The following KCTD1 variants were observed in gnomAD, a reference collection of about 807,000 sequenced individuals.
KCTD1 encodes BTB/POZ domain-containing protein KCTD1.
KCTD1 carries 24 observed loss-of-function variants against 66.0 expected under a neutral mutation model. The observed-to-expected ratio is 0.36, with a 90% CI of 0.26 to 0.51. The LOEUF is 0.51. Ranked by LOEUF, KCTD1 falls within the 20% of genes least tolerant of loss-of-function variation. The pLI is 0.95. For synonymous variants in KCTD1, 511 were observed against 517.2 expected, an observed-to-expected ratio of 0.99 and a Z score of 0.16; for missense variants, 943 against 1,205.2, an observed-to-expected ratio of 0.78 and a Z score of 3.22.
chr18:26,466,481 T>C (rs1980739545), intron 3 of KCTD1, among the ~76,000 whole-genome samples: 1 of 152,178 alleles, frequency 6.6e-6, no homozygotes, highest in Admixed American at 6.5e-5. Flanking sequence ...TAGAGGGCAT[T>C]TAGCAATGTC....
intron 1 of KCTD1, among the ~76,000 whole-genome samples, chr18:26,613,304 C>A (rs372931993): frequency 6.6e-6 from 1 of 152,136 alleles, no homozygotes; most frequent in Non-Finnish European, 1.5e-5. Flanking sequence ...GACACTCTGA[C>A]GATTTCCTTT....
In KCTD1 at chr18:26,547,050, G is replaced by T. The variant is rs750659997; in HGVS notation, c.1487C>A (p.Pro496His). The change falls in exon 1 of 5, where the codon CCC becomes CAC. Residue 496 changes from proline to histidine, a missense_variant. Transcript: ENST00000580059. ...GCGGTGGTGGTGGGAGGGATGGGTG[G>T]GGGGGTGGTGGGAGTGGTGCCGTGC... Reference protein sequence around the residue: ...GAARHHSHHPPTHPSHHHRPQ... With the variant: ...GAARHHSHHPHTHPSHHHRPQ... 4 of 1,494,666 alleles carry T rather than the reference G, an allele frequency of 2.7e-6. No individual in the cohort carries two copies. In the Admixed American group the frequency reaches 8.1e-5, roughly 30 times the overall value. 92.6% of individuals were successfully genotyped at this position (1,494,666 alleles called of 1,614,324 possible).
chr18:26,632,917 T>C (rs181325795), upstream of KCTD1, among the ~76,000 whole-genome samples: 5 of 152,216 alleles, frequency 3.3e-5, no homozygotes, highest in East Asian at 9.6e-4. Flanking sequence ...ACAATTAGAA[T>C]TGCAACAGTC....
upstream of KCTD1, among the ~76,000 whole-genome samples, chr18:26,552,175 G>C (rs1454410059): frequency 2.6e-5 from 4 of 152,160 alleles, no homozygotes; most frequent in East Asian, 7.7e-4. Context: ...TGGTTATTTC[G>C]GCATGAAAAA....
intron 1 of KCTD1, chr18:26,599,541 A>G: frequency 1.3e-6 from 2 of 1,539,894 alleles, no homozygotes; most frequent in Non-Finnish European, 1.8e-6. Flanking sequence ...TCTGTGGAAA[A>G]CATGAACCAG....
intron 1 of KCTD1, among the ~76,000 whole-genome samples, chr18:26,507,647 T>A (rs1448308061): frequency 6.6e-6 from 1 of 152,122 alleles, no homozygotes; most frequent in East Asian, 1.9e-4. Flanking sequence ...CACAAACACA[T>A]TCATTTCCCT....
intron 1 of KCTD1, among the ~76,000 whole-genome samples, chr18:26,533,827 T>TAAA (rs143763803): frequency 7.7e-6 from 1 of 130,452 alleles, no homozygotes; most frequent in Non-Finnish European, 1.6e-5. Flanking sequence ...AGCTATTATT[T>TAAA]AAAAAAAAAA....
chr18:26,582,143 C>T (rs1486447090), intron 1 of KCTD1, among the ~76,000 whole-genome samples: 1 of 150,962 alleles, frequency 6.6e-6, no homozygotes, highest in Non-Finnish European at 1.5e-5. Context: ...CATATTGGTG[C>T]GTGCCTGTGG....
chr18:26,601,026 T>C (rs1210665202), intron 1 of KCTD1, among the ~76,000 whole-genome samples: 3 of 152,124 alleles, frequency 2.0e-5, no homozygotes, highest in Non-Finnish European at 4.4e-5. Context: ...TGATGTTGGA[T>C]AGTCATCCAT....
intron 1 of KCTD1, among the ~76,000 whole-genome samples, chr18:26,597,658 GTTTT>G (rs71169866): frequency 1.9e-5 from 2 of 108,100 alleles, no homozygotes; most frequent in African/African-American, 3.3e-5. Context: ...AGGTCTTGGT[GTTTT>G]TTTTTTTTTT....
At chr18:26,647,828 C>T (rs1012398194) in intron 1 of KCTD1, among the ~76,000 whole-genome samples, 5 of 150,636 alleles carry the variant, frequency 3.3e-5, no homozygotes, top group Non-Finnish European at 5.9e-5. Context: ...TCACCTAGAT[C>T]TTTTTTTTTG....
At chr18:26,580,748 T>A (rs949664315) in intron 1 of KCTD1, among the ~76,000 whole-genome samples, 80 of 152,342 alleles carry the variant, frequency 5.3e-4, no homozygotes, top group African/African-American at 1.9e-3. Flanking sequence ...GGGCTAAGGA[T>A]GTATTATATT....
chr18:26,547,309 G>T lies in KCTD1; in HGVS notation c.1228C>A (p.Arg410=), dbSNP rs1440555321. 10 of 1,551,632 alleles carry T rather than the reference G, an allele frequency of 6.4e-6. No individual in the cohort carries two copies. The South Asian group carries it at 1.1e-4, about 17-fold the overall frequency. The change falls in exon 1 of 5, where the codon CGG becomes AGG. Residue 410 remains arginine (R), a synonymous_variant. Coordinates refer to ENST00000580059, the MANE Select transcript of KCTD1 (RefSeq NM_001142730.3). ...PLCKAFFQRP[R]DHCSEGDVTW... is the part of the protein sequence containing the mutation. ...ACATCGCCCTCGCTGCAGTGGTCCC[G>T]GGGCCGCTGGAAGAACGCCTTGCAG... is the stretch of plus-strand genomic sequence containing the variant.
At chr18:26,588,685 G>A (rs999538813) in intron 1 of KCTD1, among the ~76,000 whole-genome samples, 7 of 152,136 alleles carry the variant, frequency 4.6e-5, no homozygotes, top group Non-Finnish European at 8.8e-5. Flanking sequence ...ACAGTACAGA[G>A]AAGGAGGCGC....
At chr18:26,460,381 G>T (rs1463527893) in intron 3 of KCTD1, among the ~76,000 whole-genome samples, 5 of 152,226 alleles carry the variant, frequency 3.3e-5, no homozygotes, top group Non-Finnish European at 7.3e-5. Flanking sequence ...TGACCAAGGG[G>T]AGGCATAAGC....
At chr18:26,549,304 A>T (rs535187662), upstream of KCTD1, 297 of 984,106 alleles carry the variant, frequency 3.0e-4, no homozygotes, top group Middle Eastern at 2.6e-3. Flanking sequence ...TCCCTTTCCG[A>T]CTCTTGCAAA....
intron 1 of KCTD1, among the ~76,000 whole-genome samples, chr18:26,608,916 A>C (rs1228582174): frequency 6.6e-6 from 1 of 152,232 alleles, no homozygotes; most frequent in Non-Finnish European, 1.5e-5. Context: ...AATGCCTTTC[A>C]TCAGATCAGA....
intron 2 of KCTD1, among the ~76,000 whole-genome samples, chr18:26,491,188 C>T (rs892425778): frequency 5.9e-5 from 9 of 152,010 alleles, no homozygotes; most frequent in Non-Finnish European, 1.0e-4. Context: ...GTTGCATTGG[C>T]GGGGTGTTTT....
At chr18:26,487,537 A>C (rs979123181) in intron 2 of KCTD1, among the ~76,000 whole-genome samples, 4 of 152,252 alleles carry the variant, frequency 2.6e-5, no homozygotes, top group Non-Finnish European at 5.9e-5. Context: ...ATAGCCACCA[A>C]ATCAAAATGA....
Sources: gnomAD v4.1 joint callset for allele counts (sites outside exome capture counted in the v4.1 genomes callset) on GRCh38, gnomAD v4.1.1 for gene constraint, MANE v1.5 for transcripts, NCBI Gene and HGNC (gene_info 2026-07-23, HGNC 2026-07-21) for gene names.